The following LRP4 variants were observed in gnomAD, a reference collection of about 807,000 sequenced individuals.
The protein encoded by LRP4 is LDL receptor related protein 4.
In LRP4, 95 loss-of-function variants were observed where a neutral mutation model predicts 220.3. That is an observed-to-expected ratio of 0.43 (90% CI 0.37 to 0.51). The LOEUF is 0.51. Among genes scored for constraint, LRP4 ranks in the 20% least tolerant of loss-of-function variants. The probability of loss-of-function intolerance (pLI) is 0.00; values close to 1 mark genes in which losing one functional copy is unlikely to be tolerated. For missense variants in LRP4, 1,925 were observed against 2,567.0 expected (o/e 0.75, Z 5.40); for synonymous variants, 903 against 954.6 (o/e 0.95, Z 1.00).
chr11:46,909,810 A>G (rs570175125), intron 1 of LRP4, among the ~76,000 whole-genome samples: 9 of 152,174 alleles, frequency 5.9e-5, no homozygotes, highest in Admixed American at 5.9e-4. Context: ...GACTCAGAAT[A>G]TCATAAATAA....
chr11:46,917,309 C>A (rs994338707), intron 1 of LRP4, among the ~76,000 whole-genome samples: 20 of 152,216 alleles, frequency 1.3e-4, no homozygotes, highest in Admixed American at 6.5e-5. Flanking sequence ...ACTCGGAACT[C>A]CCGCCACGAT....
Position 46,898,989 on chromosome 11 carries a change from C to G in LRP4, c.591G>C (p.Gln197His). 1 of 1,613,768 alleles carries G rather than the reference C, an allele frequency of 6.2e-7. No individual in the cohort carries two copies. The highest frequency in any genetic ancestry group is 8.5e-7 in the Non-Finnish European group (1 of 1,179,994). Reference sequence around the variant, plus strand: ...CGAGGATGCAGCGTCCATAGGCACACTGGAACTCCTCCAGGTTGCAGGGGG... The same window carrying G: ...CGAGGATGCAGCGTCCATAGGCACAGTGGAACTCCTCCAGGTTGCAGGGGG... Reference protein sequence around the residue: ...PAPPCNLEEFQCAYGRCILDI... With the variant: ...PAPPCNLEEFHCAYGRCILDI... Residue 197 changes from glutamine to histidine, a missense_variant, in exon 6 of 38, where the codon CAG (glutamine) becomes CAC (histidine). Physicochemically the swap from Gln to His is conservative, Grantham distance 24 (BLOSUM62 0). Transcript: ENST00000378623.
At chr11:46,892,059 T>C (rs540423089) in intron 13 of LRP4, among the ~76,000 whole-genome samples, 1 of 152,310 alleles carries the variant, frequency 6.6e-6, no homozygotes, top group South Asian at 2.1e-4. Context: ...GCCTCCCACG[T>C]AGCTGGGACT....
In LRP4 at chr11:46,890,491, G is replaced by C. The variant is rs1166605637; in HGVS notation, c.1701C>G (p.Thr567=). 1 of 1,611,544 alleles carries C rather than the reference G, an allele frequency of 6.2e-7. No individual in the cohort carries two copies. Among genetic ancestry groups the C allele is most frequent in the African/African-American group, 1.3e-5 (1 of 74,884 alleles). ...TGTTGCCCCAGTCTGTCCAGTAAAT[G>C]GTACTAGGAAGAGAAAAGTAAATTG... ...RAIALHPMEG[T]IYWTDWGNTP... Residue 567 remains threonine (T), a synonymous_variant, in exon 14 of 38, where the codon ACC becomes ACG. Transcript: ENST00000378623. The surrounding 1 kb of genome is among the most constrained non-coding windows in gnomAD (Gnocchi z 5.3).
chr11:46,896,821 C>T (rs1476763611), intron 8 of LRP4, 48 bp downstream of exon 8: 1 of 1,613,444 alleles, frequency 6.2e-7, no homozygotes. Flanking sequence ...TCCACCCTTC[C>T]ACCCCAACTA....
In LRP4 at chr11:46,879,038, A is replaced by T. The variant is rs1941087161; in HGVS notation, c.3005T>A (p.Val1002Glu). The part of the protein sequence containing the change: ...IHVFHRRRPP[V>E]STPCAMENGG... ...ATTCTCCATAGCACATGGTGTAGAC[A>T]CTGGGTAGAGAGGAGGGGATGTTCA... is the stretch of plus-strand genomic sequence containing the variant. The change falls in exon 22 of 38, where the codon GTG (valine) becomes GAG (glutamate). Residue 1002 changes from valine (V) to glutamate (E), a missense_variant and splice_region_variant. By Grantham distance (121) the Val-to-Glu change is moderately radical. Around this residue, in one of 3 missense-constraint regions of LRP4, gnomAD observed 1,244 missense variants for 1,624.9 expected, o/e 0.77. Transcript: ENST00000378623. 6.2e-7 allele frequency: 1 copy of T among 1,614,170 alleles called. No homozygotes were observed.
chr11:46,864,585 C>T (rs372554205), intron 35 of LRP4, 50 bp from the exon 36 acceptor site: 74 of 1,242,934 alleles, frequency 6.0e-5, no homozygotes, highest in Middle Eastern at 1.9e-4. Context: ...AACTTTCTAG[C>T]GGTGCTGGTG....
intron 23 of LRP4, 38 bp from the exon 24 acceptor site, chr11:46,876,868 C>G (rs371544346): frequency 4.7e-6 from 7 of 1,480,318 alleles, no homozygotes; most frequent in Non-Finnish European, 6.6e-6. Context: ...AGACCCTCAC[C>G]GCCTACAATG....
chr11:46,907,474 C>T (rs917560297), intron 1 of LRP4, among the ~76,000 whole-genome samples: 3 of 152,216 alleles, frequency 2.0e-5, no homozygotes, highest in African/African-American at 7.2e-5. Flanking sequence ...ACTTGCATGG[C>T]CCAGGATGGC....
At position 46,895,998 on chromosome 11, in the gene LRP4, TCTC is replaced by T; in HGVS notation, c.1066_1068del (p.Glu356del). The T allele has an allele frequency of 6.2e-7, 1 of 1,614,096 alleles. No homozygotes were observed. ...CAGCCACCGTTGTTAACATTGCAGTTCTCCTCACCCGTCCGGGGCCCTGTGCCA... is the reference window on the plus strand; with the variant it reads ...CAGCCACCGTTGTTAACATTGCAGTTCTCACCCGTCCGGGGCCCTGTGCCA... On this transcript the variant is annotated inframe_deletion, in exon 10 of 38. Transcript: ENST00000378623.
intron 15 of LRP4, 139 bp from the exon 16 acceptor site, chr11:46,889,672 T>C (rs1262289521): frequency 2.5e-5 from 30 of 1,178,498 alleles, no homozygotes; most frequent in Non-Finnish European, 3.7e-5. Context: ...CTGCCCCTGC[T>C]GCTAGCACAG....
rs537663254 is a variant in LRP4 at position 46,889,346 on chromosome 11, C to T, written c.2215+65G>A. 5.0e-6 allele frequency: 8 copies of T among 1,604,466 alleles called. No individual in the cohort carries two copies. In the East Asian group the frequency reaches 1.1e-4, roughly 22 times the overall value. ...GACAGGCAATCCCTCCACGTCCTAT[C>T]CCTTGTTCCTTCTCCCCATCCTCAC... On this transcript the variant is annotated intron_variant, in intron 16 of 37. Transcript: ENST00000378623.
Position 46,858,468 on chromosome 11 carries a change from A to G in LRP4, c.*515T>C. 5.2e-6 allele frequency: 1 copy of G among 191,488 alleles called. No homozygotes were observed. The highest frequency in any genetic ancestry group is 1.2e-4 in the East Asian group (1 of 8,472). The allele number at this position is 191,488 out of a possible 1,614,324, so 11.9% of individuals were successfully genotyped here. On this transcript the variant is annotated 3_prime_UTR_variant, in exon 38 of 38. Coordinates refer to ENST00000378623, the MANE Select transcript of LRP4 (RefSeq NM_002334.4). Reference sequence around the variant, plus strand: ...ACACTTGAGGCTGGAGGTTTCCCAGATGCCCATACCTGCTGGGCTGATTCT... The same window carrying G: ...ACACTTGAGGCTGGAGGTTTCCCAGGTGCCCATACCTGCTGGGCTGATTCT...
intron 7 of LRP4, among the ~76,000 whole-genome samples, chr11:46,898,255 G>A (rs1239695955): frequency 1.3e-5 from 2 of 152,192 alleles, no homozygotes; most frequent in African/African-American, 4.8e-5. Flanking sequence ...ACGCCGTCTC[G>A]GGTCACTGCA....
Position 46,862,668 on chromosome 11 carries a change from C to G in LRP4, c.5323G>C (p.Glu1775Gln), listed in dbSNP as rs754407389. The change falls in exon 37 of 38, where the codon GAA becomes CAA. Residue 1775 changes from glutamate (E) to glutamine (Q), a missense_variant. Glu to Gln is a conservative substitution (Grantham distance 29). Coordinates refer to ENST00000378623, the MANE Select transcript of LRP4 (RefSeq NM_002334.4). ...TTGGGGATTGCTTCAATCTTCACTT[C>G]CTGTGTGGATGTTCGGTAGGAGGGG... is the stretch of plus-strand genomic sequence containing the variant. ...SNPSYRTSTQ[E>Q]VKIEAIPKPA... 2 of 1,613,950 alleles carry G rather than the reference C, an allele frequency of 1.2e-6. No individual in the cohort carries two copies. The highest frequency in any genetic ancestry group is 2.2e-5 in the South Asian group (2 of 91,084).
At chr11:46,869,276 CAT>C (rs1461099858) in intron 31 of LRP4, 144 bp from the exon 32 acceptor site, 15 of 798,708 alleles carry the variant, frequency 1.9e-5, no homozygotes, top group Middle Eastern at 3.3e-4. Context: ...CATCAACAGA[CAT>C]GACATTGTCA....
At chr11:46,889,368 T>A in intron 16 of LRP4, 43 bp downstream of exon 16, 1 of 1,611,730 alleles carries the variant, frequency 6.2e-7, no homozygotes, top group Admixed American at 1.7e-5. Flanking sequence ...CTCCCCATCC[T>A]CACAACAGCC....
intron 36 of LRP4, 71 bp downstream of exon 36, chr11:46,864,377 G>T (rs1565775274): frequency 8.5e-7 from 1 of 1,183,382 alleles, no homozygotes; most frequent in Non-Finnish European, 1.3e-6. Context: ...GAACTGCAGA[G>T]CTTCGGGAGA....
At chr11:46,860,526 G>C (rs1471822113) in intron 37 of LRP4, among the ~76,000 whole-genome samples, 3 of 152,146 alleles carry the variant, frequency 2.0e-5, no homozygotes, top group African/African-American at 7.2e-5. Flanking sequence ...GAAGAAAATG[G>C]ATCATCTTGG....
Sources: allele counts gnomAD v4.1 joint callset (sites outside exome capture counted in the v4.1 genomes callset), GRCh38; gene constraint gnomAD v4.1.1; regional missense constraint gnomAD v4.1.1; non-coding constraint Gnocchi (gnomAD v3.1); transcripts MANE v1.5; gene names NCBI Gene and HGNC (gene_info 2026-07-23, HGNC 2026-07-21).